SIPA1L1: variants seen among roughly 807,000 people sequenced by gnomAD.
SIPA1L1 encodes signal-induced proliferation-associated 1-like protein 1.
A neutral mutation model predicts 162.7 loss-of-function variants in SIPA1L1; 26 were observed. The ratio of observed to expected loss-of-function variants is 0.16; its 90% CI spans 0.12 to 0.22. The LOEUF (loss-of-function observed/expected upper bound fraction) is 0.22, where lower values mean the gene tolerates loss of function less well. Among genes scored for constraint, SIPA1L1 ranks in the 10% least tolerant of loss-of-function variants. The pLI is 1.00. For synonymous variants in SIPA1L1, 829 were observed against 837.4 expected (o/e 0.99, Z 0.17); for missense variants, 1,874 against 2,241.0 (o/e 0.84, Z 3.31).
intron 2 of SIPA1L1, among the ~76,000 whole-genome samples, chr14:71,439,263 A>G (rs2141165154): frequency 6.6e-6 from 1 of 152,098 alleles, no homozygotes; most frequent in Non-Finnish European, 1.5e-5. Flanking sequence ...CAGGAGGGGG[A>G]AAGTCAGTAT....
chr14:71,529,999 C>T (rs1312419870), intron 4 of SIPA1L1, among the ~76,000 whole-genome samples: 5 of 152,206 alleles, frequency 3.3e-5, no homozygotes, highest in South Asian at 2.1e-4. Flanking sequence ...GGGTGGAGGA[C>T]GGAGTCCAGA....
intron 2 of SIPA1L1, among the ~76,000 whole-genome samples, chr14:71,329,022 TGTA>T (rs901942267): frequency 4.6e-5 from 7 of 152,238 alleles, no homozygotes; most frequent in Non-Finnish European, 8.8e-5. Flanking sequence ...AGTGGAATCA[TGTA>T]GTATTTGTCT....
chr14:71,702,447 C>T lies in SIPA1L1; in HGVS notation c.3588C>T (p.Gly1196=). Residue 1196 remains glycine, a synonymous_variant, in exon 15 of 24, where the codon GGC becomes GGT. Transcript: ENST00000381232. ...DRQNTQSDIG[G]SGKSTPSWQR... Reference sequence around the variant, plus strand: ...AGAACACCCAGTCAGATATTGGTGGCAGCGGAAAATCCACGCCTAGCTGGC... The same window carrying T: ...AGAACACCCAGTCAGATATTGGTGGTAGCGGAAAATCCACGCCTAGCTGGC... The T allele has an allele frequency of 2.5e-6, 4 of 1,614,172 alleles. No homozygotes were observed. Among genetic ancestry groups the T allele is most frequent in the Non-Finnish European group, 3.4e-6 (4 of 1,179,982 alleles).
chr14:71,343,418 C>G (rs1362198945), intron 2 of SIPA1L1, among the ~76,000 whole-genome samples: 4 of 152,008 alleles, frequency 2.6e-5, no homozygotes, highest in Non-Finnish European at 5.9e-5. Flanking sequence ...GTTGGGAATT[C>G]AGGAAGAATA....
intron 2 of SIPA1L1, among the ~76,000 whole-genome samples, chr14:71,384,874 A>G (rs1258070873): frequency 2.0e-5 from 3 of 152,088 alleles, no homozygotes; most frequent in African/African-American, 4.8e-5. Flanking sequence ...GCATTGCTGT[A>G]ATGGACTTGT....
At chr14:71,660,103 A>G (rs2043383041) in intron 9 of SIPA1L1, among the ~76,000 whole-genome samples, 1 of 152,308 alleles carries the variant, frequency 6.6e-6, no homozygotes, top group East Asian at 1.9e-4. Flanking sequence ...CATATTTTGA[A>G]GAATGAATAA....
chr14:71,376,503 CT>C (rs34468277), intron 2 of SIPA1L1, among the ~76,000 whole-genome samples: 6,004 of 147,310 alleles, frequency 0.041, 407 homozygotes, highest in African/African-American at 0.14. Context: ...AATCAGGCAA[CT>C]TTTTTTTTTT....
At chr14:71,433,011 G>T (rs942276489) in intron 2 of SIPA1L1, among the ~76,000 whole-genome samples, 1 of 152,116 alleles carries the variant, frequency 6.6e-6, no homozygotes, top group Non-Finnish European at 1.5e-5. Context: ...GAGTGTGAAT[G>T]GAAAGGGGTA....
intron 4 of SIPA1L1, among the ~76,000 whole-genome samples, chr14:71,544,101 A>ACATGTATGTATATACACATATATGCACG (rs1567180410): frequency 2.8e-5 from 4 of 143,774 alleles, no homozygotes; most frequent in African/African-American, 1.0e-4. Flanking sequence ...ACACACGCAC[A>ACATGTATGTATATACACATATATGCACG]TGTATGTATA....
intron 2 of SIPA1L1, among the ~76,000 whole-genome samples, chr14:71,440,729 A>G (rs1332067301): frequency 1.3e-5 from 2 of 151,816 alleles, no homozygotes; most frequent in African/African-American, 2.4e-5. Context: ...ATAAGAAAGA[A>G]TAGTTCAGTT....
chr14:71,549,377 A>G (rs771496439), intron 4 of SIPA1L1, among the ~76,000 whole-genome samples: 8 of 151,796 alleles, frequency 5.3e-5, no homozygotes, highest in Non-Finnish European at 1.0e-4. Context: ...TTGCCCTCAC[A>G]GAGAAGGAGC....
intron 19 of SIPA1L1, among the ~76,000 whole-genome samples, chr14:71,729,486 G>T (rs1191608581): frequency 6.6e-6 from 1 of 152,148 alleles, no homozygotes; most frequent in Non-Finnish European, 1.5e-5. Flanking sequence ...ATATTTTGAT[G>T]ATCAAATACC....
At chr14:71,353,853 C>T (rs1026594813) in intron 2 of SIPA1L1, among the ~76,000 whole-genome samples, 7 of 151,848 alleles carry the variant, frequency 4.6e-5, no homozygotes, top group African/African-American at 7.3e-5. Context: ...AAGTTGGAGA[C>T]GGGCAGAAGG....
chr14:71,377,293 TCAGA>T lies in SIPA1L1; in HGVS notation c.-465+56116_-465+56119del, dbSNP rs901358778. On this transcript the variant is annotated intron_variant, in intron 2 of 23. Coordinates refer to ENST00000381232, the MANE Select transcript of SIPA1L1 (RefSeq NM_001386936.1). The surrounding 1 kb of genome is among the most constrained non-coding windows in gnomAD (Gnocchi z 4.8). ...GCCGGACGGGGGCGTTCTCCACTTC[TCAGA>T]CAGGGCGGCTGCCGGGTGGAGGGGC... 7.6e-4 allele frequency among the ~76,000 whole-genome samples: 113 copies of T among 148,972 alleles called. No homozygotes were observed. Among genetic ancestry groups the T allele is most frequent in the African/African-American group, 2.7e-3 (108 of 40,150 alleles).
chr14:71,560,764 A>G (rs2056723506), intron 4 of SIPA1L1, among the ~76,000 whole-genome samples: 1 of 152,244 alleles, frequency 6.6e-6, no homozygotes, highest in Non-Finnish European at 1.5e-5. Context: ...TGTGTCTTCC[A>G]TACCTGCTGG....
intron 2 of SIPA1L1, among the ~76,000 whole-genome samples, chr14:71,345,426 A>C (rs1411641608): frequency 2.6e-5 from 4 of 152,176 alleles, no homozygotes; most frequent in African/African-American, 9.7e-5. Context: ...CAAGTAACAG[A>C]AAGTTACAGC....
chr14:71,495,268 G>A (rs2049647739), intron 2 of SIPA1L1, among the ~76,000 whole-genome samples: 1 of 151,762 alleles, frequency 6.6e-6, no homozygotes, highest in African/African-American at 2.4e-5. Flanking sequence ...TTTCTTTTTG[G>A]GAAGATTTTT....
At chr14:71,642,750 A>G (rs1027795072) in intron 7 of SIPA1L1, among the ~76,000 whole-genome samples, 1 of 152,178 alleles carries the variant, frequency 6.6e-6, no homozygotes, top group Non-Finnish European at 1.5e-5. Flanking sequence ...AACAATTAAA[A>G]CCACAAAAAT....
chr14:71,323,433 C>T (rs991629874), intron 2 of SIPA1L1, among the ~76,000 whole-genome samples: 2 of 152,026 alleles, frequency 1.3e-5, no homozygotes, highest in Admixed American at 1.3e-4. Flanking sequence ...TGACTATGTG[C>T]CTCTTATCAG....
Sources: allele counts gnomAD v4.1 joint callset (sites outside exome capture counted in the v4.1 genomes callset), GRCh38; gene constraint gnomAD v4.1.1; non-coding constraint Gnocchi (gnomAD v3.1); transcripts MANE v1.5; gene names NCBI Gene and HGNC (gene_info 2026-07-23, HGNC 2026-07-21).